B3GAT2: variants seen among roughly 807,000 people sequenced by gnomAD.
B3GAT2 encodes galactosylgalactosylxylosylprotein 3-beta-glucuronosyltransferase 2.
B3GAT2 carries 26 observed loss-of-function variants against 27.8 expected under a neutral mutation model. The ratio of observed to expected loss-of-function variants is 0.93; its 90% CI spans 0.68 to 1.30. The LOEUF (loss-of-function observed/expected upper bound fraction) is 1.30. Among genes scored for constraint, B3GAT2 ranks in the 50% most tolerant of loss-of-function variants. The pLI, the probability that B3GAT2 is intolerant of heterozygous loss-of-function variation, is 0.00. For missense variants in B3GAT2, 458 were observed against 459.0 expected, an observed-to-expected ratio of 1.00 and a Z score of 0.02; for synonymous variants, 218 against 195.1, an observed-to-expected ratio of 1.12 and a Z score of -0.98.
At chr6:70,916,471 T>G (rs1772776330) in intron 1 of B3GAT2, among the ~76,000 whole-genome samples, 2 of 152,238 alleles carry the variant, frequency 1.3e-5, no homozygotes, top group Non-Finnish European at 2.9e-5. Flanking sequence ...ATCCTTGTCT[T>G]GTGCCAGTTT....
chr6:70,864,741 CTG>C (rs905144010), intron 2 of B3GAT2, among the ~76,000 whole-genome samples: 3 of 152,196 alleles, frequency 2.0e-5, no homozygotes. Flanking sequence ...GTTCTCCCCT[CTG>C]AAATCACAGT....
intron 1 of B3GAT2, among the ~76,000 whole-genome samples, chr6:70,944,958 A>C (rs531261757): frequency 6.6e-6 from 1 of 152,318 alleles, no homozygotes; most frequent in South Asian, 2.1e-4. Context: ...TAACCAGGCA[A>C]ACAGGGTCTG....
intron 1 of B3GAT2, among the ~76,000 whole-genome samples, chr6:70,899,766 C>G (rs1772463880): frequency 6.6e-6 from 1 of 152,120 alleles, no homozygotes. Context: ...GGGATCTGTC[C>G]TTTGTTCTGT....
At position 70,859,451 on chromosome 6, in the gene B3GAT2, T is replaced by A. The variant is rs896325941; in HGVS notation, c.*2212A>T. 1.5e-6 allele frequency: 2 copies of A among 1,342,416 alleles called. No individual in the cohort carries two copies. Among genetic ancestry groups the A allele is most frequent in the African/African-American group, 1.5e-5 (1 of 68,922 alleles). 83.2% of individuals were successfully genotyped at this position (1,342,416 alleles called of 1,614,324 possible). A position where few individuals can be genotyped will look rare whatever the true frequency, so the allele number is the denominator to read the frequency against. ...CGTGATCTGCTTCTTCAGACACTTA[T>A]GCCTGATTAGTGATGTAGTTTATGT... On this transcript the variant is annotated 3_prime_UTR_variant, in exon 4 of 4. Coordinates refer to ENST00000230053, the MANE Select transcript of B3GAT2 (RefSeq NM_080742.3).
At chr6:70,945,760 C>T (rs545257373) in intron 1 of B3GAT2, among the ~76,000 whole-genome samples, 299 of 149,564 alleles carry the variant, frequency 2.0e-3, no homozygotes, top group Middle Eastern at 3.4e-3. Flanking sequence ...AACTCCAAGA[C>T]ACATAATTGT....
chr6:70,883,386 T>C (rs1299888012), intron 2 of B3GAT2, among the ~76,000 whole-genome samples: 1 of 150,560 alleles, frequency 6.6e-6, no homozygotes, highest in East Asian at 2.0e-4. Context: ...GGAATATTAG[T>C]AGCCTTAAAA....
In B3GAT2 at chr6:70,859,761, C is replaced by T. The variant is rs969341788; in HGVS notation, c.*1902G>A. 5.1e-5 allele frequency: 9 copies of T among 177,810 alleles called. No individual in the cohort carries two copies. Among genetic ancestry groups the T allele is most frequent in the African/African-American group, 1.2e-4 (5 of 42,324 alleles). The allele number at this position is 177,810 out of a possible 1,614,324, so 11.0% of individuals were successfully genotyped here. A position where few individuals can be genotyped will look rare whatever the true frequency, so the allele number is the denominator to read the frequency against. On this transcript the variant is annotated 3_prime_UTR_variant, in exon 4 of 4. Coordinates refer to ENST00000230053, the MANE Select transcript of B3GAT2 (RefSeq NM_080742.3). ...GTTAGATCAGCGAGAGAAATAAATGCTTTATGACCACTTTAAAAATATTTA... is the reference window on the plus strand; with the variant it reads ...GTTAGATCAGCGAGAGAAATAAATGTTTTATGACCACTTTAAAAATATTTA...
intron 1 of B3GAT2, among the ~76,000 whole-genome samples, chr6:70,937,740 A>G (rs1450467204): frequency 6.6e-6 from 1 of 152,136 alleles, no homozygotes; most frequent in East Asian, 1.9e-4. Context: ...TTAGGTATTG[A>G]TGGGACGTAT....
chr6:70,946,031 T>C (rs912683150), intron 1 of B3GAT2, among the ~76,000 whole-genome samples: 54 of 151,924 alleles, frequency 3.6e-4, no homozygotes, highest in Non-Finnish European at 1.6e-4. Flanking sequence ...CTGAGAGATT[T>C]TGCCACCACC....
chr6:70,926,796 C>G (rs1341026970), intron 1 of B3GAT2, among the ~76,000 whole-genome samples: 1 of 152,138 alleles, frequency 6.6e-6, no homozygotes, highest in Non-Finnish European at 1.5e-5. Flanking sequence ...GCAAGGCAGG[C>G]CAACATTCAA....
intron 1 of B3GAT2, among the ~76,000 whole-genome samples, chr6:70,935,881 G>A (rs1189724686): frequency 6.6e-6 from 1 of 151,876 alleles, no homozygotes; most frequent in Non-Finnish European, 1.5e-5. Context: ...CATAATGACA[G>A]GATCAAATTC....
intron 1 of B3GAT2, among the ~76,000 whole-genome samples, chr6:70,930,297 C>T (rs986518565): frequency 6.6e-6 from 1 of 152,158 alleles, no homozygotes; most frequent in African/African-American, 2.4e-5. Flanking sequence ...GACTTCATGA[C>T]TAAAACACCA....
chr6:70,886,003 GCA>G (rs749381578), intron 2 of B3GAT2, among the ~76,000 whole-genome samples: 13 of 152,150 alleles, frequency 8.5e-5, no homozygotes, highest in Non-Finnish European at 1.5e-4. Context: ...GAACCCAAAG[GCA>G]CAGTCTTGTT....
At chr6:70,871,858 C>G (rs992112532) in intron 2 of B3GAT2, among the ~76,000 whole-genome samples, 1 of 151,896 alleles carries the variant, frequency 6.6e-6, no homozygotes, top group Non-Finnish European at 1.5e-5. Flanking sequence ...CTGCTAAGCA[C>G]TACTCTGGCT....
intron 1 of B3GAT2, among the ~76,000 whole-genome samples, chr6:70,909,868 T>C (rs1017647432): frequency 6.6e-6 from 1 of 152,202 alleles, no homozygotes; most frequent in South Asian, 2.1e-4. Context: ...CTCCTCTTTG[T>C]TTTTTTGTTT....
At chr6:70,950,118 T>A (rs1765555873) in intron 1 of B3GAT2, among the ~76,000 whole-genome samples, 2 of 152,018 alleles carry the variant, frequency 1.3e-5, no homozygotes, top group South Asian at 4.2e-4. Flanking sequence ...GACGAGTTAA[T>A]GGGTGCAGCA....
In B3GAT2 at chr6:70,945,275, G is replaced by A. The variant is rs550321945; in HGVS notation, c.591+10564C>T. 4.9e-3 allele frequency among the ~76,000 whole-genome samples: 753 copies of A among 152,222 alleles called. 3 individuals carry two copies. The highest frequency in any genetic ancestry group is 8.1e-3 in the Non-Finnish European group (551 of 68,022). On this transcript the variant is annotated intron_variant, in intron 1 of 3. Coordinates refer to ENST00000230053, the MANE Select transcript of B3GAT2 (RefSeq NM_080742.3). The stretch of plus-strand genomic sequence containing the variant: ...AGGCTTCAGACGTTCAAACTACTCC[G>A]AGCTACAGGAGGAAATTCAAGCCAA...
intron 1 of B3GAT2, among the ~76,000 whole-genome samples, chr6:70,905,353 T>G (rs1039909333): frequency 6.6e-6 from 1 of 152,220 alleles, no homozygotes; most frequent in South Asian, 2.1e-4. Context: ...ATCCCTTGCA[T>G]AGATCTGTAT....
At chr6:70,924,952 T>G (rs769963614) in intron 1 of B3GAT2, among the ~76,000 whole-genome samples, 7 of 152,236 alleles carry the variant, frequency 4.6e-5, no homozygotes, top group Non-Finnish European at 8.8e-5. Flanking sequence ...TTATAGATCC[T>G]GAGGTTGGCC....
Sources: gnomAD v4.1 joint callset for allele counts (sites outside exome capture counted in the v4.1 genomes callset) on GRCh38, gnomAD v4.1.1 for gene constraint, MANE v1.5 for transcripts, NCBI Gene and HGNC (gene_info 2026-07-23, HGNC 2026-07-21) for gene names.